The following DTX4 variants were observed in gnomAD, a reference collection of about 807,000 sequenced individuals.
DTX4 encodes E3 ubiquitin-protein ligase DTX4.
A neutral mutation model predicts 57.6 loss-of-function variants in DTX4; 28 were observed. The observed-to-expected ratio is 0.49, with a 90% confidence interval of 0.36 to 0.67. The LOEUF is 0.67. DTX4 is among the 30% of genes least tolerant of loss of function. The pLI, the probability that DTX4 is intolerant of heterozygous loss-of-function variation, is 0.00. For synonymous variants in DTX4, 316 were observed against 331.0 expected, an observed-to-expected ratio of 0.95 and a Z score of 0.49; for missense variants, 715 against 836.8, an observed-to-expected ratio of 0.85 and a Z score of 1.80.
In DTX4 at chr11:59,172,137, G is replaced by C. The variant is rs1862331633; in HGVS notation, c.-459G>C. Among the ~76,000 whole-genome samples the C allele has an allele frequency of 6.6e-6, 1 of 152,030 alleles. No homozygotes were observed. The highest frequency in any genetic ancestry group is 1.5e-5 in the Non-Finnish European group (1 of 67,976). ...GGAGGGGACCAGAGCGTGCCATTCC[G>C]AGCGCGGCCGTGCGGCGAGATCCCA... On this transcript the variant is annotated 5_prime_UTR_variant, in exon 1 of 9. Transcript: ENST00000227451.
At chr11:59,173,833 G>C (rs114005728) in intron 1 of DTX4, among the ~76,000 whole-genome samples, 2 of 152,108 alleles carry the variant, frequency 1.3e-5, no homozygotes, top group African/African-American at 4.8e-5. Context: ...CTCTTTGCTC[G>C]GTCCTTGCTT....
intron 8 of DTX4, among the ~76,000 whole-genome samples, chr11:59,204,176 C>T (rs1003604603): frequency 6.6e-6 from 1 of 152,072 alleles, no homozygotes; most frequent in Admixed American, 6.5e-5. Context: ...AAAAATAGTG[C>T]ACAGCTTCAG....
chr11:59,180,056 A>G (rs1294174086), intron 1 of DTX4, among the ~76,000 whole-genome samples: 1 of 152,190 alleles, frequency 6.6e-6, no homozygotes, highest in Non-Finnish European at 1.5e-5. Context: ...TGCCATGGTG[A>G]CAGGTGCTAT....
Position 59,194,999 on chromosome 11 carries a change from G to A in DTX4, c.1375-209G>A, listed in dbSNP as rs562765517. ...TACATATCCCTCAGCATGGAGCATG[G>A]GACCAGTTGTGGAATTTACCTCCTA... On this transcript the variant is annotated intron_variant, in intron 6 of 8. Transcript: ENST00000227451. The A allele has an allele frequency of 1.7e-3, 1,029 of 604,236 alleles. 7 individuals are homozygous for A. Among genetic ancestry groups the A allele is most frequent in the Middle Eastern group, 0.012 (27 of 2,308 alleles). 37.4% of individuals were successfully genotyped at this position (604,236 alleles called of 1,614,324 possible).
In DTX4 at chr11:59,199,666, C is replaced by G; in HGVS notation, c.1537-18C>G. 1 of 1,560,246 alleles carries G rather than the reference C, an allele frequency of 6.4e-7. No individual in the cohort carries two copies. Among genetic ancestry groups the G allele is most frequent in the South Asian group, 1.2e-5 (1 of 84,434 alleles). On this transcript the variant is annotated intron_variant, in intron 7 of 8. Transcript: ENST00000227451. Reference sequence around the variant, plus strand: ...TATTTTGAAAAATGCCATTTGCTTGCTTGCTTTCTGCTTTCAGGGACCGGA... The same window carrying G: ...TATTTTGAAAAATGCCATTTGCTTGGTTGCTTTCTGCTTTCAGGGACCGGA...
intron 2 of DTX4, 128 bp from the exon 3 acceptor site, chr11:59,188,607 G>A (rs1862556936): frequency 2.7e-6 from 2 of 732,114 alleles, no homozygotes; most frequent in South Asian, 3.3e-5. Context: ...GCCTGACTTA[G>A]GTTTTGAAGA....
At chr11:59,186,531 C>G (rs77140720) in intron 2 of DTX4, among the ~76,000 whole-genome samples, 1 of 152,122 alleles carries the variant, frequency 6.6e-6, no homozygotes, top group African/African-American at 2.4e-5. Context: ...AAGAGCTGGG[C>G]GAGGAGAATC....
chr11:59,195,786 G>A (rs1862659438), intron 7 of DTX4, among the ~76,000 whole-genome samples: 1 of 152,174 alleles, frequency 6.6e-6, no homozygotes, highest in Non-Finnish European at 1.5e-5. Flanking sequence ...CATTTGATGG[G>A]CATATGGATT....
At chr11:59,189,401 G>A in intron 4 of DTX4, 78 bp downstream of exon 4, 4 of 1,399,778 alleles carry the variant, frequency 2.9e-6, no homozygotes, top group Non-Finnish European at 1.9e-6. Context: ...AACCTCCAAG[G>A]GTCATAGCCA....
In DTX4 at chr11:59,195,249, G is replaced by C; in HGVS notation, c.1416G>C (p.Gly472=). ...LQCPTCKTIY[G]VKTGTQPPGK... ...GTCCAACCTGCAAGACCATTTATGG[G>C]GTGAAGACAGGCACCCAACCTCCAG... Residue 472 remains glycine (G), a synonymous_variant, in exon 7 of 9, where the codon GGG becomes GGC. Transcript: ENST00000227451. 2 of 1,613,908 alleles carry C rather than the reference G, an allele frequency of 1.2e-6. No homozygotes were observed. Among genetic ancestry groups the C allele is most frequent in the South Asian group, 2.2e-5 (2 of 91,078 alleles).
intron 4 of DTX4, 49 bp from the exon 5 acceptor site, chr11:59,191,065 G>T: frequency 6.5e-7 from 1 of 1,534,906 alleles, no homozygotes; most frequent in South Asian, 1.2e-5. Context: ...AAGGCTGTTT[G>T]ATCTCTTACC....
chr11:59,192,090 C>T lies in DTX4; in HGVS notation c.1222-8C>T, dbSNP rs1252820553. 1 of 1,608,404 alleles carries T rather than the reference C, an allele frequency of 6.2e-7. No individual in the cohort carries two copies. Among genetic ancestry groups the T allele is most frequent in the African/African-American group, 1.3e-5 (1 of 74,798 alleles). On this transcript the variant is annotated splice_polypyrimidine_tract_variant and splice_region_variant and intron_variant, in intron 5 of 8. Coordinates refer to ENST00000227451, the MANE Select transcript of DTX4 (RefSeq NM_015177.2). ...ACAGCCTCTCTGCTGTGTCTCCTCC[C>T]TCCCCAGGACTGCACCATCTGTATG...
intron 8 of DTX4, among the ~76,000 whole-genome samples, chr11:59,200,012 C>T (rs1049470659): frequency 5.9e-5 from 9 of 152,206 alleles, no homozygotes; most frequent in Non-Finnish European, 4.4e-5. Flanking sequence ...CCTGTTCTCA[C>T]GCTGCTAATA....
chr11:59,192,016 A>C (rs145259923), intron 5 of DTX4, 82 bp from the exon 6 acceptor site: 6 of 1,517,860 alleles, frequency 4.0e-6, no homozygotes, highest in Non-Finnish European at 5.4e-6. Flanking sequence ...GTAAGAGCTC[A>C]TCTGACCTCT....
intron 1 of DTX4, among the ~76,000 whole-genome samples, chr11:59,176,829 GA>G (rs1342282968): frequency 6.6e-6 from 1 of 152,106 alleles, no homozygotes; most frequent in Non-Finnish European, 1.5e-5. Context: ...TATCCTACTG[GA>G]GCCCCTTTCC....
At chr11:59,195,097 G>A (rs1354881961) in intron 6 of DTX4, 111 bp from the exon 7 acceptor site, 5 of 1,094,848 alleles carry the variant, frequency 4.6e-6, no homozygotes, top group Admixed American at 3.5e-5. Context: ...TCACTCACCA[G>A]GGTGCATTTT....
intron 6 of DTX4, among the ~76,000 whole-genome samples, chr11:59,192,935 GTGTC>G (rs781668433): frequency 1.0e-3 from 153 of 152,306 alleles, no homozygotes; most frequent in Non-Finnish European, 1.2e-3. Context: ...TCTCCTTACA[GTGTC>G]TGAGCATTTC....
chr11:59,185,221 A>G (rs1023510279), intron 2 of DTX4: 1 of 152,190 alleles, frequency 6.6e-6, no homozygotes, highest in African/African-American at 2.4e-5. Context: ...GTCTCCAGCT[A>G]GGCCTCAGTT....
In DTX4 at chr11:59,205,038, C is replaced by G. The variant is rs1241046503; in HGVS notation, c.*129C>G. On this transcript the variant is annotated 3_prime_UTR_variant, in exon 9 of 9. Transcript: ENST00000227451. ...TCTATCCTCCCCTCCTGCCCTGTGT[C>G]CATCCCTCATCCCTCCCAACCACAG... 7.8e-6 allele frequency: 6 copies of G among 767,994 alleles called. No individual in the cohort carries two copies. The African/African-American group carries it at 1.0e-4, about 13-fold the overall frequency. The allele number at this position is 767,994 out of a possible 1,614,324, so 47.6% of individuals were successfully genotyped here.
Sources: allele counts gnomAD v4.1 joint callset (sites outside exome capture counted in the v4.1 genomes callset), GRCh38; gene constraint gnomAD v4.1.1; transcripts MANE v1.5; gene names NCBI Gene and HGNC (gene_info 2026-07-23, HGNC 2026-07-21).